Variants in GALNT11 observed in about 807,000 individuals in gnomAD.
The protein encoded by GALNT11 is UDP-GalNAc:polypeptide N-acetylgalactosaminyltransferase 11.
A neutral mutation model predicts 72.7 loss-of-function variants in GALNT11; 47 were observed. The observed-to-expected ratio is 0.65, with a 90% CI of 0.51 to 0.82. The LOEUF is 0.82. Among genes scored for constraint, GALNT11 ranks in the 40% least tolerant of loss-of-function variants. GALNT11 has a pLI of 0.00. For synonymous variants in GALNT11, 270 were observed against 286.6 expected, an observed-to-expected ratio of 0.94 and a Z score of 0.58; for missense variants, 677 against 778.4, an observed-to-expected ratio of 0.87 and a Z score of 1.55.
chr7:152,037,496 G>A (rs7810799), intron 1 of GALNT11, among the ~76,000 whole-genome samples: 24,245 of 152,006 alleles, frequency 0.16, 4,706 homozygotes, highest in African/African-American at 0.46. Context: ...TGTAATTTGG[G>A]GTTAGATAAT....
chr7:152,101,700 G>A (rs1478618069), intron 3 of GALNT11, among the ~76,000 whole-genome samples: 1 of 150,682 alleles, frequency 6.6e-6, no homozygotes, highest in African/African-American at 2.4e-5. Flanking sequence ...GTGGCATGAT[G>A]TCGGCTCACT....
chr7:152,048,206 G>A (rs764047890), intron 1 of GALNT11, among the ~76,000 whole-genome samples: 3 of 151,482 alleles, frequency 2.0e-5, no homozygotes, highest in Non-Finnish European at 4.4e-5. Context: ...TTTTTCCTTC[G>A]GCACTTTAAA....
intron 7 of GALNT11, among the ~76,000 whole-genome samples, chr7:152,112,464 C>G (rs1371387424): frequency 6.6e-6 from 1 of 151,806 alleles, no homozygotes; most frequent in Non-Finnish European, 1.5e-5. Context: ...TCGCTTGAAC[C>G]TGGGAGGCAG....
intron 1 of GALNT11, among the ~76,000 whole-genome samples, chr7:152,087,585 T>G (rs2085730553): frequency 1.3e-5 from 2 of 152,182 alleles, no homozygotes; most frequent in Non-Finnish European, 2.9e-5. Context: ...TAAGTCTAGA[T>G]CTAATGACAA....
chr7:152,114,305 G>C (rs1170228794), intron 8 of GALNT11, among the ~76,000 whole-genome samples: 1 of 152,102 alleles, frequency 6.6e-6, no homozygotes, highest in Non-Finnish European at 1.5e-5. Context: ...CTCAGCCCTA[G>C]ACAGCCAATA....
chr7:152,082,966 G>C (rs1587236962), intron 1 of GALNT11, among the ~76,000 whole-genome samples: 1 of 152,140 alleles, frequency 6.6e-6, no homozygotes, highest in South Asian at 2.1e-4. Context: ...TTGTAAGGTT[G>C]TTGGTCCTTT....
chr7:152,110,751 G>A, intron 7 of GALNT11, 106 bp downstream of exon 7: 1 of 912,692 alleles, frequency 1.1e-6, no homozygotes, highest in Non-Finnish European at 1.7e-6. Flanking sequence ...TTTTTTTCGA[G>A]ATAGGGTCTT....
chr7:152,095,929 G>C (rs2086340814), intron 2 of GALNT11, among the ~76,000 whole-genome samples: 1 of 152,250 alleles, frequency 6.6e-6, no homozygotes, highest in Non-Finnish European at 1.5e-5. Context: ...GGCAGTTGCA[G>C]GTACTAGATC....
intron 1 of GALNT11, among the ~76,000 whole-genome samples, chr7:152,050,597 G>A (rs1446673937): frequency 1.3e-5 from 2 of 152,142 alleles, no homozygotes; most frequent in Admixed American, 6.5e-5. Flanking sequence ...TTGAGGGAGG[G>A]GTGGTGCAAG....
At chr7:152,045,999 T>C (rs2083100689) in intron 1 of GALNT11, among the ~76,000 whole-genome samples, 1 of 152,188 alleles carries the variant, frequency 6.6e-6, no homozygotes, top group African/African-American at 2.4e-5. Context: ...TCCATTATCA[T>C]TTGTTTAAAG....
At chr7:152,088,831 G>A (rs1244127319) in intron 1 of GALNT11, among the ~76,000 whole-genome samples, 1 of 152,172 alleles carries the variant, frequency 6.6e-6, no homozygotes, top group African/African-American at 2.4e-5. Context: ...CTAGGAATTT[G>A]ATCATTTCAC....
intron 2 of GALNT11, among the ~76,000 whole-genome samples, chr7:152,096,988 C>G (rs1161887030): frequency 2.6e-5 from 4 of 152,018 alleles, no homozygotes; most frequent in African/African-American, 9.7e-5. Context: ...CCACTATGCC[C>G]AGCTAATTTT....
At chr7:152,092,632 A>G (rs962697075) in intron 1 of GALNT11, among the ~76,000 whole-genome samples, 4 of 152,218 alleles carry the variant, frequency 2.6e-5, no homozygotes, top group Admixed American at 2.0e-4. Context: ...ACTGTTTACC[A>G]TCTTCTAGGC....
intron 9 of GALNT11, 31 bp downstream of exon 9, chr7:152,117,406 T>C: frequency 6.2e-7 from 1 of 1,608,136 alleles, no homozygotes; most frequent in South Asian, 1.1e-5. Context: ...AAGTGGCTTA[T>C]GAAAAGCGTT....
At chr7:152,042,703 T>C (rs1446002325) in intron 1 of GALNT11, among the ~76,000 whole-genome samples, 5 of 152,216 alleles carry the variant, frequency 3.3e-5, no homozygotes, top group Non-Finnish European at 7.3e-5. Context: ...GAGGGCTATA[T>C]AATTGTTCTG....
chr7:152,071,871 A>T (rs868625651), intron 1 of GALNT11, among the ~76,000 whole-genome samples: 1 of 152,110 alleles, frequency 6.6e-6, no homozygotes, highest in Non-Finnish European at 1.5e-5. Context: ...ACGATGTAGC[A>T]TGTCAATTAT....
intron 1 of GALNT11, among the ~76,000 whole-genome samples, chr7:152,080,405 C>G (rs991681404): frequency 1.3e-5 from 2 of 152,068 alleles, no homozygotes; most frequent in African/African-American, 4.8e-5. Context: ...TATTAAATCA[C>G]TACATATTCC....
chr7:152,079,019 C>T (rs890040231), intron 1 of GALNT11, among the ~76,000 whole-genome samples: 1 of 152,230 alleles, frequency 6.6e-6, no homozygotes, highest in African/African-American at 2.4e-5. Context: ...GAATGACTCT[C>T]ACGGATGAAT....
chr7:152,120,121 C>G (rs951451570), intron 10 of GALNT11: 18 of 152,234 alleles, frequency 1.2e-4, no homozygotes, highest in African/African-American at 3.6e-4. Flanking sequence ...AGTCACATTT[C>G]AAGTGTACAA....
Sources: allele counts gnomAD v4.1 joint callset (sites outside exome capture counted in the v4.1 genomes callset), GRCh38; gene constraint gnomAD v4.1.1; transcripts MANE v1.5; gene names NCBI Gene and HGNC (gene_info 2026-07-23, HGNC 2026-07-21).